KCNQ5: variants seen among roughly 807,000 people sequenced by gnomAD.
KCNQ5 encodes potassium voltage-gated channel subfamily KQT member 5.
KCNQ5 carries 30 observed loss-of-function variants against 98.2 expected under a neutral mutation model. That is an observed-to-expected ratio of 0.31 (90% CI 0.23 to 0.41). The LOEUF (loss-of-function observed/expected upper bound fraction) is 0.41, where lower values mean the gene tolerates loss of function less well. KCNQ5 is among the 10% of genes least tolerant of loss of function. The pLI is 1.00. For missense variants in KCNQ5, 835 were observed against 1,182.5 expected (o/e 0.71, Z 4.31); for synonymous variants, 458 against 449.4 (o/e 1.02, Z -0.24).
chr6:72,889,499 G>T, intron 1 of KCNQ5, among the ~76,000 whole-genome samples: 1 of 152,066 alleles, frequency 6.6e-6, no homozygotes, highest in East Asian at 1.9e-4. Context: ...ATTATTGAAG[G>T]TATAAAATGA....
intron 1 of KCNQ5, among the ~76,000 whole-genome samples, chr6:72,784,245 T>A (rs937795384): frequency 2.0e-5 from 3 of 152,160 alleles, no homozygotes; most frequent in African/African-American, 7.2e-5. Context: ...AAACCACCAC[T>A]GCTGTTCAGG....
intron 2 of KCNQ5, among the ~76,000 whole-genome samples, chr6:73,004,559 A>G (rs1345281824): frequency 1.3e-5 from 2 of 152,240 alleles, no homozygotes; most frequent in Non-Finnish European, 2.9e-5. Flanking sequence ...TATGCTGTCA[A>G]TCCTCAACCA....
intron 1 of KCNQ5, among the ~76,000 whole-genome samples, chr6:72,854,316 T>C (rs1486791574): frequency 2.0e-5 from 3 of 152,162 alleles, no homozygotes; most frequent in African/African-American, 7.2e-5. Context: ...ATTAGCCAAC[T>C]AATGGTACAT....
At chr6:72,640,986 A>T (rs1189153712) in intron 1 of KCNQ5, 3 of 152,178 alleles carry the variant, frequency 2.0e-5, no homozygotes, top group Admixed American at 2.0e-4. Context: ...GCTAACAGGG[A>T]AAATATTTTT....
rs1775875789 is a variant in KCNQ5, at chr6:73,124,652, A to T, written c.1247+140A>T. 3 of 782,322 alleles carry T rather than the reference A, an allele frequency of 3.8e-6. No individual in the cohort carries two copies. In the Admixed American group the frequency reaches 6.7e-5, roughly 18 times the overall value. The allele number at this position is 782,322 out of a possible 1,614,324, so 48.5% of individuals were successfully genotyped here. On this transcript the variant is annotated intron_variant, in intron 9 of 13. Transcript: ENST00000370398. ...ACCTTTCACAAGATTGCCTGCAAAG[A>T]TTGCTATTTTATTGATATTTCGCCC...
At chr6:72,758,496 G>A (rs979005199) in intron 1 of KCNQ5, among the ~76,000 whole-genome samples, 2 of 152,078 alleles carry the variant, frequency 1.3e-5, no homozygotes, top group African/African-American at 2.4e-5. Flanking sequence ...TGCTAGAAGT[G>A]GGGGATCAGG....
At chr6:73,174,732 T>G (rs886897556) in intron 11 of KCNQ5, among the ~76,000 whole-genome samples, 1 of 152,206 alleles carries the variant, frequency 6.6e-6, no homozygotes, top group African/African-American at 2.4e-5. Context: ...TCTTCAAGCC[T>G]CTGTTTCCTC....
At chr6:73,004,851 G>A (rs932166388) in intron 2 of KCNQ5, among the ~76,000 whole-genome samples, 2 of 152,186 alleles carry the variant, frequency 1.3e-5, no homozygotes, top group African/African-American at 4.8e-5. Context: ...AGAAGCAGGG[G>A]GAGGAAAACG....
intron 1 of KCNQ5, among the ~76,000 whole-genome samples, chr6:72,769,992 T>C (rs533408217): frequency 9.2e-5 from 14 of 152,258 alleles, no homozygotes; most frequent in African/African-American, 3.4e-4. Flanking sequence ...AGAGTAGATC[T>C]GAGTTTTAAA....
intron 1 of KCNQ5, among the ~76,000 whole-genome samples, chr6:72,824,152 TTTTTAAATAATTACTAATA>T (rs1158368098): frequency 6.6e-6 from 1 of 152,112 alleles, no homozygotes; most frequent in African/African-American, 2.4e-5. Flanking sequence ...TTAGTTTCCC[TTTTTAAATAATTACTAATA>T]TTTGAAGATT....
chr6:72,950,788 G>A (rs1445594667), intron 1 of KCNQ5, among the ~76,000 whole-genome samples: 2 of 152,214 alleles, frequency 1.3e-5, no homozygotes, highest in Non-Finnish European at 2.9e-5. Flanking sequence ...TCATAACTTG[G>A]AGGATGGCCA....
At chr6:73,087,791 A>AG (rs1774052897) in intron 5 of KCNQ5, among the ~76,000 whole-genome samples, 1 of 152,178 alleles carries the variant, frequency 6.6e-6, no homozygotes, top group African/African-American at 2.4e-5. Flanking sequence ...GTGCTTCTAG[A>AG]AAGAGGTGGT....
At chr6:72,731,212 TAGGTG>T (rs1461800140) in intron 1 of KCNQ5, among the ~76,000 whole-genome samples, 1 of 152,198 alleles carries the variant, frequency 6.6e-6, no homozygotes, top group Non-Finnish European at 1.5e-5. Flanking sequence ...GATAGCATAT[TAGGTG>T]CTAACTAGTT....
chr6:72,876,926 A>G (rs1209706917), intron 1 of KCNQ5, among the ~76,000 whole-genome samples: 1 of 152,210 alleles, frequency 6.6e-6, no homozygotes, highest in Non-Finnish European at 1.5e-5. Context: ...AGAGCCAGTG[A>G]TCACTGGGAT....
At chr6:72,631,446 A>C (rs1379357600) in intron 1 of KCNQ5, among the ~76,000 whole-genome samples, 1 of 152,244 alleles carries the variant, frequency 6.6e-6, no homozygotes, top group Non-Finnish European at 1.5e-5. Context: ...ATAAGGAAAC[A>C]CTAGACAAAA....
At chr6:72,697,718 T>C (rs1468774068) in intron 1 of KCNQ5, among the ~76,000 whole-genome samples, 1 of 152,358 alleles carries the variant, frequency 6.6e-6, no homozygotes, top group African/African-American at 2.4e-5. Context: ...TGTTTACATT[T>C]TTAACTATTT....
intron 1 of KCNQ5, among the ~76,000 whole-genome samples, chr6:72,658,365 C>T (rs1766302950): frequency 6.6e-6 from 1 of 151,032 alleles, no homozygotes; most frequent in Non-Finnish European, 1.5e-5. Context: ...ACTGCAACCT[C>T]TGCCTCCCAG....
intron 1 of KCNQ5, among the ~76,000 whole-genome samples, chr6:72,907,920 C>A (rs1399003903): frequency 1.3e-5 from 2 of 151,878 alleles, no homozygotes; most frequent in African/African-American, 4.8e-5. Context: ...CTTAGTGGTG[C>A]CTTTTTCTGT....
chr6:72,815,794 C>A (rs1456669419), intron 1 of KCNQ5, among the ~76,000 whole-genome samples: 1 of 152,138 alleles, frequency 6.6e-6, no homozygotes, highest in African/African-American at 2.4e-5. Context: ...TTTTGCACCT[C>A]TAAGTGACAG....
Sources: gnomAD v4.1 joint callset for allele counts (sites outside exome capture counted in the v4.1 genomes callset) on GRCh38, gnomAD v4.1.1 for gene constraint, MANE v1.5 for transcripts, NCBI Gene and HGNC (gene_info 2026-07-23, HGNC 2026-07-21) for gene names.